Variants in PCDH11X observed in about 807,000 individuals in gnomAD.
PCDH11X encodes the protein protocadherin 11 X-linked.
In PCDH11X, 18 loss-of-function variants were observed where a neutral mutation model predicts 53.3. That is an observed-to-expected ratio of 0.34 (90% CI 0.23 to 0.50). PCDH11X has a LOEUF of 0.50. Ranked by LOEUF, PCDH11X falls within the 20% of genes least tolerant of loss-of-function variation. The pLI is 0.98. For missense variants in PCDH11X, 570 were observed against 1,032.4 expected, an observed-to-expected ratio of 0.55 and a Z score of 6.14; for synonymous variants, 279 against 393.3, an observed-to-expected ratio of 0.71 and a Z score of 3.44.
At chrX:92,405,215 AC>A (rs2071480435) in intron 9 of PCDH11X, among the ~76,000 whole-genome samples, 1 of 74,917 alleles carries the variant, frequency 1.3e-5, no homozygotes. Context: ...CATTTCACAC[AC>A]CTTAAACAAT....
Position 91,877,689 on chromosome X carries a change from C to A in PCDH11X, c.1449C>A (p.Ile483=). The A allele has an allele frequency of 3.3e-6, 4 of 1,211,468 alleles. No individual in the cohort carries two copies. The highest frequency in any genetic ancestry group is 4.5e-6 in the Non-Finnish European group (4 of 895,428). The change falls in exon 6 of 11, where the codon ATC becomes ATA. Residue 483 remains isoleucine (I), a synonymous_variant. Coordinates refer to ENST00000682573, the MANE Select transcript of PCDH11X (RefSeq NM_032968.5). ...VSIPENNSPG[I]QLTKVSAMDA... ...TTCCTGAGAATAACTCTCCTGGCAT[C>A]CAGTTGACGAAAGTAAGTGCAATGG...
At chrX:91,903,816 T>C (rs1258966230) in intron 6 of PCDH11X, among the ~76,000 whole-genome samples, 1 of 110,308 alleles carries the variant, frequency 9.1e-6, no homozygotes, top group Non-Finnish European at 1.9e-5. Flanking sequence ...AACCAGAACA[T>C]TGAATTAAGA....
At chrX:92,375,671 C>T (rs1023422244) in intron 8 of PCDH11X, among the ~76,000 whole-genome samples, 2 of 110,344 alleles carry the variant, frequency 1.8e-5, no homozygotes, top group African/African-American at 6.6e-5. Flanking sequence ...GTCGCCCAGG[C>T]TGGAGTGCAG....
At chrX:92,544,462 C>A (rs187125594) in intron 10 of PCDH11X, among the ~76,000 whole-genome samples, 1,750 of 110,762 alleles carry the variant, frequency 0.016, 42 homozygotes, top group African/African-American at 0.054. Context: ...ACTAGAAAAA[C>A]TTTTGAAGAC....
At chrX:91,993,606 C>T (rs1297181744) in intron 6 of PCDH11X, among the ~76,000 whole-genome samples, 8 of 110,993 alleles carry the variant, frequency 7.2e-5, no homozygotes, top group Non-Finnish European at 1.3e-4. Context: ...TCTCCCCCTC[C>T]TTTAGAGAAA....
At chrX:92,153,339 C>T (rs79964310) in intron 6 of PCDH11X, among the ~76,000 whole-genome samples, 35 of 65,132 alleles carry the variant, frequency 5.4e-4, no homozygotes, top group Non-Finnish European at 8.6e-4. Context: ...AATAAATATA[C>T]ACACACACAC....
intron 6 of PCDH11X, chrX:91,882,967 A>G: frequency 8.5e-7 from 1 of 1,176,119 alleles, no homozygotes; most frequent in East Asian, 3.1e-5. Flanking sequence ...TAGGAACAAC[A>G]AAATTCCATT....
chrX:92,479,766 CTCT>C (rs1480117675), intron 10 of PCDH11X, among the ~76,000 whole-genome samples: 1 of 105,972 alleles, frequency 9.4e-6, no homozygotes, highest in Non-Finnish European at 1.9e-5. Flanking sequence ...CCTGACTCTT[CTCT>C]AGTTGCCTTT....
chrX:92,352,057 A>G (rs1407388375), intron 8 of PCDH11X, among the ~76,000 whole-genome samples: 1 of 112,015 alleles, frequency 8.9e-6, no homozygotes, highest in African/African-American at 3.2e-5. Context: ...AACTGAAATG[A>G]TAATTTTCTT....
chrX:92,087,905 T>G (rs1377790366), intron 6 of PCDH11X, among the ~76,000 whole-genome samples: 1 of 106,993 alleles, frequency 9.3e-6, no homozygotes, highest in Non-Finnish European at 1.9e-5. Context: ...TGAAAATTGC[T>G]TATATATTTA....
At chrX:92,502,650 A>C (rs2073980757) in intron 10 of PCDH11X, among the ~76,000 whole-genome samples, 1 of 110,436 alleles carries the variant, frequency 9.1e-6, no homozygotes, top group Non-Finnish European at 1.9e-5. Context: ...ATGCTGGGAG[A>C]ACTGGCTAAC....
chrX:92,539,244 CT>C (rs2074716925), intron 10 of PCDH11X, among the ~76,000 whole-genome samples: 1 of 109,860 alleles, frequency 9.1e-6, no homozygotes, highest in Non-Finnish European at 1.9e-5. Flanking sequence ...TAGATTTACC[CT>C]TTTGAGGATA....
At chrX:92,122,282 G>T in intron 6 of PCDH11X, among the ~76,000 whole-genome samples, 1 of 110,966 alleles carries the variant, frequency 9.0e-6, no homozygotes, top group Middle Eastern at 4.7e-3. Context: ...GTGCCCAGCC[G>T]CAGTCACCTC....
intron 10 of PCDH11X, among the ~76,000 whole-genome samples, chrX:92,606,629 A>C (rs1169295454): frequency 9.1e-6 from 1 of 110,156 alleles, no homozygotes; most frequent in African/African-American, 3.3e-5. Context: ...GTTTTCTTAG[A>C]TCTGACACTA....
chrX:91,973,089 C>A (rs1438885177), intron 6 of PCDH11X, among the ~76,000 whole-genome samples: 1 of 109,300 alleles, frequency 9.1e-6, no homozygotes, highest in Non-Finnish European at 1.9e-5. Context: ...ACAAATACAC[C>A]ATGGAATACT....
At chrX:92,452,874 T>C (rs1466300418) in intron 9 of PCDH11X, among the ~76,000 whole-genome samples, 1 of 80,801 alleles carries the variant, frequency 1.2e-5, no homozygotes, top group African/African-American at 6.5e-5. Flanking sequence ...TTTACTTCTG[T>C]ATTATTGTTT....
At chrX:92,558,226 T>C (rs1241983444) in intron 10 of PCDH11X, among the ~76,000 whole-genome samples, 2 of 109,813 alleles carry the variant, frequency 1.8e-5, no homozygotes, top group African/African-American at 6.6e-5. Context: ...AACATCACAA[T>C]TTAATCTTGA....
At chrX:92,263,030 A>T in intron 7 of PCDH11X, 84 bp from the exon 8 acceptor site, 5 of 1,090,978 alleles carry the variant, frequency 4.6e-6, no homozygotes, top group Non-Finnish European at 6.0e-6. Context: ...AAAAAAATGT[A>T]TTTGCAGTAA....
At chrX:92,618,167 T>A in intron 10 of PCDH11X, 97 bp from the exon 11 acceptor site, 12 of 1,082,112 alleles carry the variant, frequency 1.1e-5, no homozygotes, top group Non-Finnish European at 1.5e-5. Flanking sequence ...CATTTGTATA[T>A]AGGTTGTTAC....
Sources: gnomAD v4.1 joint callset for allele counts (sites outside exome capture counted in the v4.1 genomes callset) on GRCh38, gnomAD v4.1.1 for gene constraint, MANE v1.5 for transcripts, NCBI Gene and HGNC (gene_info 2026-07-23, HGNC 2026-07-21) for gene names.